The following APBA2 variants were observed in gnomAD, a reference collection of about 807,000 sequenced individuals.
APBA2 encodes the protein amyloid-beta A4 precursor protein-binding family A member 2.
In APBA2, 30 loss-of-function variants were observed where a neutral mutation model predicts 75.0. The ratio of observed to expected loss-of-function variants is 0.40; its 90% CI spans 0.30 to 0.54. APBA2 has a LOEUF of 0.54. Ranked by LOEUF, APBA2 falls within the 20% of genes least tolerant of loss-of-function variation. The pLI, the probability that APBA2 is intolerant of heterozygous loss-of-function variation, is 0.49. For missense variants in APBA2, 801 were observed against 1,016.1 expected, an observed-to-expected ratio of 0.79 and a Z score of 2.88; for synonymous variants, 444 against 409.6, an observed-to-expected ratio of 1.08 and a Z score of -1.01.
At chr15:28,971,915 T>G (rs1258440853) in intron 2 of APBA2, among the ~76,000 whole-genome samples, 1 of 151,816 alleles carries the variant, frequency 6.6e-6, no homozygotes, top group Admixed American at 6.6e-5. Context: ...AAATAGAAAA[T>G]GTGTAGCAAA....
chr15:29,099,559 T>C (rs1292595754), intron 9 of APBA2, among the ~76,000 whole-genome samples: 1 of 152,116 alleles, frequency 6.6e-6, no homozygotes, highest in East Asian at 1.9e-4. Context: ...GCAAAAGAGG[T>C]GTCCAGCCTA....
intron 1 of APBA2, among the ~76,000 whole-genome samples, chr15:28,920,496 G>A (rs530473301): frequency 1.8e-4 from 28 of 152,314 alleles, no homozygotes; most frequent in East Asian, 5.8e-4. Flanking sequence ...CCCACACCAC[G>A]GTAGGAGCAG....
At chr15:28,959,643 A>G (rs1244698276) in intron 2 of APBA2, among the ~76,000 whole-genome samples, 1 of 152,206 alleles carries the variant, frequency 6.6e-6, no homozygotes, top group Non-Finnish European at 1.5e-5. Flanking sequence ...AGCCTGTGGT[A>G]CTTTGTGATA....
At chr15:29,031,672 A>T (rs985955339) in intron 3 of APBA2, among the ~76,000 whole-genome samples, 3 of 151,988 alleles carry the variant, frequency 2.0e-5, no homozygotes, top group Non-Finnish European at 4.4e-5. Flanking sequence ...CAGATTGCTG[A>T]TTGGTGTGTT....
At chr15:29,002,566 C>T (rs916449179) in intron 3 of APBA2, among the ~76,000 whole-genome samples, 3 of 151,552 alleles carry the variant, frequency 2.0e-5, no homozygotes, top group African/African-American at 7.3e-5. Context: ...CTCGGGGGGT[C>T]AGCGAGTGGG....
At chr15:28,997,223 A>G (rs796305111) in intron 3 of APBA2, among the ~76,000 whole-genome samples, 64 of 152,308 alleles carry the variant, frequency 4.2e-4, no homozygotes, top group African/African-American at 1.5e-3. Context: ...CACATTCACA[A>G]GGCATTTAAG....
At chr15:29,107,736 C>T (rs2044502085) in intron 12 of APBA2, among the ~76,000 whole-genome samples, 1 of 152,158 alleles carries the variant, frequency 6.6e-6, no homozygotes, top group Non-Finnish European at 1.5e-5. Context: ...TGCCTCCTCA[C>T]CCCCACCGGA....
rs900430331 is a variant in APBA2 at position 28,936,759 on chromosome 15, C to A, written c.-95+15010C>A. Among the ~76,000 whole-genome samples the A allele has an allele frequency of 4.1e-4, 63 of 152,310 alleles. 1 individual carries two copies. The highest frequency in any genetic ancestry group is 1.5e-3 in the African/African-American group (61 of 41,570). Reference sequence around the variant, plus strand: ...GACCCCAAGTAAAGTTAAAGGGAAGCACAGTGGGGCCTGCACAGGATGTGA... The same window carrying A: ...GACCCCAAGTAAAGTTAAAGGGAAGAACAGTGGGGCCTGCACAGGATGTGA... On this transcript the variant is annotated intron_variant, in intron 2 of 14. Coordinates refer to ENST00000683413, the MANE Select transcript of APBA2 (RefSeq NM_001353788.2).
rs939021917 is a variant in APBA2 at position 29,077,246 on chromosome 15, C to T, written c.1069+1155C>T. On this transcript the variant is annotated intron_variant, in intron 6 of 14. Coordinates refer to ENST00000683413, the MANE Select transcript of APBA2 (RefSeq NM_001353788.2). Reference sequence around the variant, plus strand: ...GAAGAGACCACACTCCCCACATTCCCGCTTGTAGTGTTTGATTGGGTTCCT... The same window carrying T: ...GAAGAGACCACACTCCCCACATTCCTGCTTGTAGTGTTTGATTGGGTTCCT... Among the ~76,000 whole-genome samples the T allele has an allele frequency of 5.9e-5, 9 of 152,282 alleles. No homozygotes were observed. The South Asian group carries it at 1.2e-3, about 21-fold the overall frequency.
chr15:29,044,138 C>T lies in APBA2; in HGVS notation c.-40-9707C>T, dbSNP rs1301036067. Among the ~76,000 whole-genome samples the T allele has an allele frequency of 2.6e-5, 4 of 152,302 alleles. No individual in the cohort carries two copies. The East Asian group carries it at 5.8e-4, about 22-fold the overall frequency. On this transcript the variant is annotated intron_variant, in intron 3 of 14. Coordinates refer to ENST00000683413, the MANE Select transcript of APBA2 (RefSeq NM_001353788.2). ...TTTGTATGATACGTTTTCACCCAGC[C>T]TGTATTGTGGTCACTGAATAGCTAT...
chr15:29,062,366 G>T (rs533101628), intron 4 of APBA2, among the ~76,000 whole-genome samples: 1 of 152,126 alleles, frequency 6.6e-6, no homozygotes, highest in Admixed American at 6.5e-5. Context: ...GGTGGACACC[G>T]CACCTCCTGC....
At chr15:28,925,928 C>T (rs182691544) in intron 2 of APBA2, among the ~76,000 whole-genome samples, 2 of 152,218 alleles carry the variant, frequency 1.3e-5, no homozygotes, top group East Asian at 3.9e-4. Context: ...TATGTAATGT[C>T]GCCTCTTTAT....
intron 2 of APBA2, among the ~76,000 whole-genome samples, chr15:28,962,281 A>G (rs2152739783): frequency 6.6e-6 from 1 of 152,122 alleles, no homozygotes; most frequent in African/African-American, 2.4e-5. Context: ...AATAATAAAG[A>G]TGGGTTTCGG....
intron 6 of APBA2, among the ~76,000 whole-genome samples, chr15:29,083,530 GT>G (rs1555408635): frequency 6.6e-6 from 1 of 151,872 alleles, no homozygotes; most frequent in South Asian, 2.1e-4. Flanking sequence ...AAACTCTTTT[GT>G]TTGTTTTGTT....
intron 3 of APBA2, among the ~76,000 whole-genome samples, chr15:29,038,180 T>C (rs2040841986): frequency 6.6e-6 from 1 of 152,154 alleles, no homozygotes. Context: ...ACTTCTGCCT[T>C]CCCCACACTG....
intron 6 of APBA2, among the ~76,000 whole-genome samples, chr15:29,080,752 A>C (rs2043051576): frequency 6.6e-6 from 1 of 152,154 alleles, no homozygotes; most frequent in Non-Finnish European, 1.5e-5. Context: ...CAGCTTTTCT[A>C]TACAGGTAAA....
At chr15:29,055,520 A>G (rs2041843953) in intron 4 of APBA2, among the ~76,000 whole-genome samples, 1 of 152,234 alleles carries the variant, frequency 6.6e-6, no homozygotes, top group Non-Finnish European at 1.5e-5. Context: ...ACCTTCCAAA[A>G]AAAGCCTCAC....
intron 13 of APBA2, 36 bp from the exon 14 acceptor site, chr15:29,113,840 G>A (rs371224571): frequency 3.0e-5 from 47 of 1,580,770 alleles, no homozygotes; most frequent in Middle Eastern, 1.7e-4. Context: ...CGGGTGTGGC[G>A]GGAACACGTG....
intron 2 of APBA2, among the ~76,000 whole-genome samples, chr15:28,975,342 A>G (rs2037280816): frequency 1.3e-5 from 2 of 152,354 alleles, no homozygotes; most frequent in African/African-American, 2.4e-5. Context: ...AGATTATTCA[A>G]TGAGAAAACC....
Sources: allele counts gnomAD v4.1 joint callset (sites outside exome capture counted in the v4.1 genomes callset), GRCh38; gene constraint gnomAD v4.1.1; transcripts MANE v1.5; gene names NCBI Gene and HGNC (gene_info 2026-07-23, HGNC 2026-07-21).